The following NECAB2 variants were observed in gnomAD, a reference collection of about 807,000 sequenced individuals.
The protein encoded by NECAB2 is N-terminal EF-hand calcium-binding protein 2.
In NECAB2, 68 loss-of-function variants were observed where a neutral mutation model predicts 51.9. The ratio of observed to expected loss-of-function variants is 1.31; its 90% confidence interval spans 1.08 to 1.60. The LOEUF (loss-of-function observed/expected upper bound fraction) is 1.60. NECAB2 is among the 40% of genes most tolerant of loss of function. The probability of loss-of-function intolerance (pLI) is 0.00; values close to 1 mark genes in which losing one functional copy is unlikely to be tolerated. For missense variants in NECAB2, 854 were observed against 490.3 expected, an observed-to-expected ratio of 1.74 and a Z score of -7.00; for synonymous variants, 329 against 203.5, an observed-to-expected ratio of 1.62 and a Z score of -5.25.
At position 83,980,856 on chromosome 16, in the gene NECAB2, A is replaced by G; in HGVS notation, c.353A>G (p.Glu118Gly). Residue 118 changes from glutamate (E) to glycine (G), a missense_variant, in exon 4 of 13, where the codon GAG (glutamate) becomes GGG (glycine). Transcript: ENST00000305202. ...CTCTGCAGCCATGTGGACACCAAGGAGCTGTGTGGTAGGTGCCTGGCTATG... is the reference window on the plus strand; with the variant it reads ...CTCTGCAGCCATGTGGACACCAAGGGGCTGTGTGGTAGGTGCCTGGCTATG... The part of the protein sequence containing the change: ...SDNTNHVDTK[E>G]LCDYFVDHMG... The G allele has an allele frequency of 6.2e-7, 1 of 1,602,928 alleles. No individual in the cohort carries two copies. Among genetic ancestry groups the G allele is most frequent in the Non-Finnish European group, 8.5e-7 (1 of 1,174,188 alleles).
intron 5 of NECAB2, among the ~76,000 whole-genome samples, chr16:83,986,343 G>C (rs1020029247): frequency 6.6e-5 from 10 of 152,138 alleles, no homozygotes; most frequent in African/African-American, 2.2e-4. Flanking sequence ...CTCAATATGA[G>C]AATCAGTAAG....
chr16:83,978,565 C>G lies in NECAB2; in HGVS notation c.335+13C>G, dbSNP rs746344715. 15 of 1,603,628 alleles carry G rather than the reference C, an allele frequency of 9.4e-6. No individual in the cohort carries two copies. The highest frequency in any genetic ancestry group is 1.2e-5 in the Non-Finnish European group (14 of 1,171,238). On this transcript the variant is annotated intron_variant, in intron 3 of 12. Transcript: ENST00000305202. ...CTGACAACACCAAGTGAGCTTCAGT[C>G]CTGGCTGGCAGAGTGGGGGTGTGTG...
chr16:83,993,363 CCT>C (rs1199132619), intron 6 of NECAB2: 1 of 152,302 alleles, frequency 6.6e-6, no homozygotes, highest in Non-Finnish European at 1.5e-5. Context: ...GAGTTTGCTC[CCT>C]CCGCAAGGGG....
chr16:83,977,065 A>C (rs916482137), intron 2 of NECAB2, among the ~76,000 whole-genome samples: 6 of 152,254 alleles, frequency 3.9e-5, no homozygotes, highest in Non-Finnish European at 8.8e-5. Flanking sequence ...GTGCACTGAC[A>C]CTGGTCTCAT....
intron 10 of NECAB2, 35 bp from the exon 11 acceptor site, chr16:84,000,689 T>G: frequency 6.2e-7 from 1 of 1,607,012 alleles, no homozygotes; most frequent in Non-Finnish European, 8.5e-7. Flanking sequence ...TTGGTTGAGC[T>G]CCAGCCTCCT....
intron 5 of NECAB2, among the ~76,000 whole-genome samples, chr16:83,989,445 A>G (rs990333946): frequency 6.6e-6 from 1 of 152,150 alleles, no homozygotes; most frequent in Non-Finnish European, 1.5e-5. Flanking sequence ...AATTATTGCT[A>G]ATTAATTCCC....
chr16:83,975,470 T>C (rs1057410414), intron 2 of NECAB2, among the ~76,000 whole-genome samples: 3 of 152,044 alleles, frequency 2.0e-5, no homozygotes, highest in Non-Finnish European at 4.4e-5. Flanking sequence ...GAAGGATGGA[T>C]GGGATGCCTC....
chr16:83,986,958 A>G (rs1278156977), intron 5 of NECAB2, among the ~76,000 whole-genome samples: 5 of 152,194 alleles, frequency 3.3e-5, no homozygotes, highest in Admixed American at 6.5e-5. Flanking sequence ...GGTGACGGGT[A>G]CACTAGAAAC....
chr16:83,994,326 C>T lies in NECAB2; in HGVS notation c.621C>T (p.His207=). 1.2e-6 allele frequency: 2 copies of T among 1,614,196 alleles called. No individual in the cohort carries two copies. The highest frequency in any genetic ancestry group is 8.5e-7 in the Non-Finnish European group (1 of 1,180,026). The change falls in exon 7 of 13, where the codon CAC becomes CAT. Residue 207 remains histidine, a synonymous_variant. Coordinates refer to ENST00000305202, the MANE Select transcript of NECAB2 (RefSeq NM_019065.3). ...QLRQNHIKPS[H]SAAQTWCGSP... ...GACAGAACCACATCAAACCCAGCCA[C>T]AGCGCGGCACAGACCTGGTGTGGAA...
chr16:83,997,358 C>T (rs541072305), intron 9 of NECAB2, 89 bp downstream of exon 9: 109 of 1,525,316 alleles, frequency 7.1e-5, no homozygotes, highest in Middle Eastern at 6.8e-4. Flanking sequence ...CCCCTGACCC[C>T]GCTCTCCCTG....
chr16:83,988,521 T>A (rs1158696573), intron 5 of NECAB2, among the ~76,000 whole-genome samples: 2 of 152,224 alleles, frequency 1.3e-5, no homozygotes, highest in African/African-American at 4.8e-5. Flanking sequence ...AAACCATTAG[T>A]GGTTAATGTT....
chr16:84,000,536 A>T (rs115382156), intron 10 of NECAB2, among the ~76,000 whole-genome samples, 188 bp from the exon 11 acceptor site: 1 of 152,180 alleles, frequency 6.6e-6, no homozygotes, highest in Non-Finnish European at 1.5e-5. Flanking sequence ...GTTGGCCACT[A>T]TAAGAAGCCA....
Position 83,981,027 on chromosome 16 carries a change from C to G in NECAB2, c.362-3C>G. 2 of 1,614,026 alleles carry G rather than the reference C, an allele frequency of 1.2e-6. No individual in the cohort carries two copies. Among genetic ancestry groups the G allele is most frequent in the South Asian group, 2.2e-5 (2 of 91,088 alleles). ...CCCCTGACCTTTGCCTTTCCTTCCCCAGATTACTTTGTGGACCACATGGGT... is the reference window on the plus strand; with the variant it reads ...CCCCTGACCTTTGCCTTTCCTTCCCGAGATTACTTTGTGGACCACATGGGT... On this transcript the variant is annotated splice_region_variant and splice_polypyrimidine_tract_variant and intron_variant, in intron 4 of 12. Transcript: ENST00000305202.
chr16:83,969,788 C>T (rs925160882), intron 1 of NECAB2, among the ~76,000 whole-genome samples: 10 of 152,178 alleles, frequency 6.6e-5, no homozygotes, highest in Non-Finnish European at 4.4e-5. Flanking sequence ...TGGGGGCTGC[C>T]TCTGCCTGTG....
At chr16:83,975,752 A>T (rs1332768662) in intron 2 of NECAB2, among the ~76,000 whole-genome samples, 1 of 152,138 alleles carries the variant, frequency 6.6e-6, no homozygotes, top group Non-Finnish European at 1.5e-5. Context: ...TGACAGGCTG[A>T]CAGGCTCTTG....
At chr16:83,994,985 G>A (rs147160315) in intron 8 of NECAB2, among the ~76,000 whole-genome samples, 9 of 152,290 alleles carry the variant, frequency 5.9e-5, no homozygotes, top group African/African-American at 1.4e-4. Context: ...GCAGGGTCCC[G>A]TGTTGCAAGG....
chr16:83,971,873 GC>G, intron 1 of NECAB2: 1 of 581,646 alleles, frequency 1.7e-6, no homozygotes, highest in Non-Finnish European at 3.1e-6. Flanking sequence ...TGCAGGGATG[GC>G]CGTGGGCCTG....
At chr16:84,002,218 T>A in intron 12 of NECAB2, 100 bp from the exon 13 acceptor site, 3 of 1,450,626 alleles carry the variant, frequency 2.1e-6, no homozygotes, top group Non-Finnish European at 1.9e-6. Flanking sequence ...ACACAAGGAC[T>A]CAAAGCCATC....
At chr16:84,001,226 G>C (rs1267877879) in intron 11 of NECAB2, among the ~76,000 whole-genome samples, 1 of 151,906 alleles carries the variant, frequency 6.6e-6, no homozygotes, top group East Asian at 1.9e-4. Flanking sequence ...ATGGGGTAGG[G>C]TGTCAGCAGC....
Sources: gnomAD v4.1 joint callset for allele counts (sites outside exome capture counted in the v4.1 genomes callset) on GRCh38, gnomAD v4.1.1 for gene constraint, MANE v1.5 for transcripts, NCBI Gene and HGNC (gene_info 2026-07-23, HGNC 2026-07-21) for gene names.